The following CYP39A1 variants were observed in gnomAD, a reference collection of about 807,000 sequenced individuals.
The protein encoded by CYP39A1 is 24-hydroxycholesterol 7-alpha-hydroxylase.
In CYP39A1, 49 loss-of-function variants were observed where a neutral mutation model predicts 58.1. That is an observed-to-expected ratio of 0.84 (90% CI 0.67 to 1.07). The LOEUF (loss-of-function observed/expected upper bound fraction) is 1.07. Among genes scored for constraint, CYP39A1 ranks in the 50% least tolerant of loss-of-function variants. CYP39A1 has a pLI of 0.00. For missense variants in CYP39A1, 531 were observed against 539.4 expected (o/e 0.98, Z 0.16); for synonymous variants, 209 against 187.6 (o/e 1.11, Z -0.93).
intron 10 of CYP39A1, among the ~76,000 whole-genome samples, chr6:46,580,855 G>A (rs183631670): frequency 3.6e-4 from 55 of 152,252 alleles, no homozygotes; most frequent in Non-Finnish European, 7.1e-4. Context: ...AATAACAGAC[G>A]TTGGTGAGGT....
chr6:46,583,212 A>G, intron 10 of CYP39A1: 1 of 985,420 alleles, frequency 1.0e-6, no homozygotes, highest in South Asian at 4.7e-5. Context: ...GCATGCCTTT[A>G]TAAGCAGATT....
intron 7 of CYP39A1, among the ~76,000 whole-genome samples, chr6:46,607,138 A>G (rs1773895817): frequency 6.6e-6 from 1 of 152,172 alleles, no homozygotes; most frequent in Admixed American, 6.5e-5. Context: ...TTCCTCAAAG[A>G]CAAGAAGGGA....
chr6:46,581,853 T>C (rs528579231), intron 10 of CYP39A1, among the ~76,000 whole-genome samples: 1 of 152,218 alleles, frequency 6.6e-6, no homozygotes, highest in South Asian at 2.1e-4. Context: ...CATACTTATG[T>C]CTTAGCTTCA....
chr6:46,619,708 T>C (rs1235376749), intron 7 of CYP39A1, among the ~76,000 whole-genome samples: 1 of 152,150 alleles, frequency 6.6e-6, no homozygotes, highest in Non-Finnish European at 1.5e-5. Flanking sequence ...TTTTCTCTCC[T>C]AATATCTTCT....
intron 11 of CYP39A1, among the ~76,000 whole-genome samples, chr6:46,553,227 C>T (rs945795985): frequency 1.3e-5 from 2 of 152,088 alleles, no homozygotes; most frequent in Non-Finnish European, 2.9e-5. Context: ...AATTCGAGAG[C>T]CACTGATCTA....
chr6:46,565,241 T>C (rs1771213524), intron 10 of CYP39A1, among the ~76,000 whole-genome samples: 1 of 152,096 alleles, frequency 6.6e-6, no homozygotes, highest in South Asian at 2.1e-4. Context: ...AAAAAATATG[T>C]TAGAAGATGC....
chr6:46,624,747 T>A (rs182655779), intron 7 of CYP39A1, among the ~76,000 whole-genome samples: 7 of 152,178 alleles, frequency 4.6e-5, no homozygotes, highest in Admixed American at 3.9e-4. Flanking sequence ...AAAAGTCAAC[T>A]CCCCAGATTG....
Position 46,639,584 on chromosome 6 carries a change from T to A in CYP39A1, c.398A>T (p.His133Leu), listed in dbSNP as rs1204405657. 5 of 1,613,990 alleles carry A rather than the reference T, an allele frequency of 3.1e-6. No individual in the cohort carries two copies. The highest frequency in any genetic ancestry group is 4.2e-6 in the Non-Finnish European group (5 of 1,179,858). Residue 133 changes from histidine (H) to leucine (L), a missense_variant, in exon 3 of 12, where the codon CAT becomes CTT. Physicochemically the swap from His to Leu is moderately conservative, Grantham distance 99. Coordinates refer to ENST00000275016, the MANE Select transcript of CYP39A1 (RefSeq NM_016593.5). ...TTCAGTCAGTTGCCCAGTAAACTGA[T>A]GGAGATTGACAGTCCCCATTTTCCC... Reference protein sequence around the residue: ...LKGKMGTVNLHQFTGQLTEEL... With the variant: ...LKGKMGTVNLLQFTGQLTEEL...
chr6:46,566,630 G>T (rs998757166), intron 10 of CYP39A1, among the ~76,000 whole-genome samples: 2 of 152,032 alleles, frequency 1.3e-5, no homozygotes, highest in African/African-American at 4.8e-5. Flanking sequence ...AATGAGATTT[G>T]GGTGGGGACA....
At chr6:46,566,716 C>T (rs1279811276) in intron 10 of CYP39A1, among the ~76,000 whole-genome samples, 14 of 151,930 alleles carry the variant, frequency 9.2e-5, no homozygotes. Context: ...AGTTTAAGTA[C>T]TTGCAAAATA....
intron 8 of CYP39A1, among the ~76,000 whole-genome samples, chr6:46,590,377 T>C (rs761198886): frequency 6.6e-6 from 1 of 152,068 alleles, no homozygotes; most frequent in Non-Finnish European, 1.5e-5. Flanking sequence ...GGCAGGACTC[T>C]GTGTTGTAAT....
chr6:46,607,500 T>C (rs563308931), intron 7 of CYP39A1, among the ~76,000 whole-genome samples: 1 of 150,476 alleles, frequency 6.6e-6, no homozygotes, highest in Non-Finnish European at 1.5e-5. Context: ...CATGCATACA[T>C]GCAGACATAG....
At chr6:46,652,361 A>G in intron 1 of CYP39A1, 45 bp downstream of exon 1, 1 of 1,538,890 alleles carries the variant, frequency 6.5e-7, no homozygotes, top group East Asian at 2.3e-5. Context: ...TTTAAAAAAG[A>G]AAGCATTGTC....
chr6:46,559,953 A>C (rs1770886173), intron 10 of CYP39A1, among the ~76,000 whole-genome samples: 2 of 152,208 alleles, frequency 1.3e-5, no homozygotes. Context: ...CAAAAACAAT[A>C]TTCATGTTCT....
At chr6:46,634,608 G>A (rs534288833) in intron 5 of CYP39A1, among the ~76,000 whole-genome samples, 11 of 143,378 alleles carry the variant, frequency 7.7e-5, no homozygotes, top group South Asian at 2.3e-4. Context: ...CATAACCTCC[G>A]CCTCCCAGGT....
intron 3 of CYP39A1, 61 bp downstream of exon 3, chr6:46,639,433 G>A (rs1412817172): frequency 1.3e-6 from 2 of 1,512,214 alleles, no homozygotes; most frequent in African/African-American, 1.4e-5. Context: ...CAATCTATAG[G>A]TTTCAATTTT....
At chr6:46,636,567 G>A in intron 4 of CYP39A1, 85 bp from the exon 5 acceptor site, 3 of 809,526 alleles carry the variant, frequency 3.7e-6, no homozygotes, top group Non-Finnish European at 5.9e-6. Flanking sequence ...GATGTCTGTG[G>A]AATTAAAATT....
At chr6:46,566,792 A>G (rs956874162) in intron 10 of CYP39A1, among the ~76,000 whole-genome samples, 3 of 151,968 alleles carry the variant, frequency 2.0e-5, no homozygotes, top group Non-Finnish European at 2.9e-5. Flanking sequence ...AAATATAAAT[A>G]AATAAGAATT....
chr6:46,626,131 G>T (rs1775297803), intron 6 of CYP39A1, among the ~76,000 whole-genome samples: 1 of 151,834 alleles, frequency 6.6e-6, no homozygotes, highest in Non-Finnish European at 1.5e-5. Context: ...GAATGCTATT[G>T]AATATAGTAT....
Sources: gnomAD v4.1 joint callset for allele counts (sites outside exome capture counted in the v4.1 genomes callset) on GRCh38, gnomAD v4.1.1 for gene constraint, MANE v1.5 for transcripts, NCBI Gene and HGNC (gene_info 2026-07-23, HGNC 2026-07-21) for gene names.